Variants in CUX1 observed in about 807,000 individuals in gnomAD.
CUX1 encodes the protein cut like homeobox 1.
A neutral mutation model predicts 158.8 loss-of-function variants in CUX1; 31 were observed. The observed-to-expected ratio is 0.20, with a 90% CI of 0.15 to 0.26. The LOEUF is 0.26. Ranked by LOEUF, CUX1 falls within the 10% of genes least tolerant of loss-of-function variation. The pLI is 1.00. For missense variants in CUX1, 1,589 were observed against 2,014.6 expected, an observed-to-expected ratio of 0.79 and a Z score of 4.04; for synonymous variants, 879 against 862.1, an observed-to-expected ratio of 1.02 and a Z score of -0.34.
chr7:101,943,942 G>T (rs1246360008), intron 2 of CUX1, among the ~76,000 whole-genome samples: 1 of 143,542 alleles, frequency 7.0e-6, no homozygotes, highest in Admixed American at 7.1e-5. Flanking sequence ...AACATAGCGA[G>T]ACCGCGTCTC....
chr7:102,262,725 C>A (rs1342260148), downstream of CUX1, among the ~76,000 whole-genome samples: 2 of 152,042 alleles, frequency 1.3e-5, no homozygotes, highest in Non-Finnish European at 2.9e-5. Flanking sequence ...CCAGCTGTGC[C>A]CCAGCCTGGG....
Position 102,253,785 on chromosome 7 carries a change from G to A in CUX1, c.*4743G>A, listed in dbSNP as rs923094814. The A allele has an allele frequency of 1.0e-4, 102 of 985,550 alleles. No individual in the cohort carries two copies. The highest frequency in any genetic ancestry group is 2.5e-4 in the Admixed American group (4 of 16,292). The allele number at this position is 985,550 out of a possible 1,614,324, so 61.1% of individuals were successfully genotyped here. On this transcript the variant is annotated 3_prime_UTR_variant, in exon 24 of 24. Transcript: ENST00000292535. ...ACAAGCCAGCTGTACAGGGCGAGAT[G>A]TAGCAACACGGGGCATGAGCGGTGG...
intron 4 of CUX1, among the ~76,000 whole-genome samples, chr7:102,095,700 T>C (rs985420204): frequency 2.0e-5 from 3 of 152,194 alleles, no homozygotes; most frequent in African/African-American, 7.2e-5. Flanking sequence ...TATATACTCT[T>C]GTTGATCCGC....
Position 102,248,014 on chromosome 7 carries a change from C to A in CUX1, c.3888-398C>A, listed in dbSNP as rs184089295. Among the ~76,000 whole-genome samples the A allele has an allele frequency of 5.9e-5, 9 of 152,174 alleles. No homozygotes were observed. The highest frequency in any genetic ancestry group is 1.0e-4 in the Non-Finnish European group (7 of 68,004). Reference sequence around the variant, plus strand: ...GATGTGGTAGTGGGTGACTGTAATCCCAGGTACTCTGGAGGCTGAGGCAGG... The same window carrying A: ...GATGTGGTAGTGGGTGACTGTAATCACAGGTACTCTGGAGGCTGAGGCAGG... On this transcript the variant is annotated intron_variant, in intron 23 of 23. Transcript: ENST00000292535. This position sits in a 1 kb window ranked among gnomAD's most constrained non-coding sequence, Gnocchi z 5.8.
intron 3 of CUX1, among the ~76,000 whole-genome samples, chr7:102,029,289 G>A (rs759493168): frequency 1.6e-4 from 24 of 152,136 alleles, no homozygotes; most frequent in Non-Finnish European, 2.5e-4. Context: ...CACTGTGCCT[G>A]GCAGGGATTT....
intron 2 of CUX1, among the ~76,000 whole-genome samples, chr7:101,981,429 G>A (rs932586564): frequency 6.6e-6 from 1 of 152,192 alleles, no homozygotes; most frequent in Non-Finnish European, 1.5e-5. Flanking sequence ...AGGGCACTCA[G>A]TGTGGCCTGG....
At chr7:101,986,936 G>A (rs535539095) in intron 2 of CUX1, among the ~76,000 whole-genome samples, 148 of 152,232 alleles carry the variant, frequency 9.7e-4, no homozygotes, top group Non-Finnish European at 1.8e-3. Context: ...CCTGGAAGCC[G>A]TGGGGATGTG....
chr7:102,067,951 G>A (rs1206060532), intron 3 of CUX1, among the ~76,000 whole-genome samples: 1 of 151,894 alleles, frequency 6.6e-6, no homozygotes, highest in Non-Finnish European at 1.5e-5. Flanking sequence ...AACCCGGGAG[G>A]TGGAGGCTGC....
chr7:102,269,677 G>T (rs1554545838), intron 14 of CUX1, among the ~76,000 whole-genome samples: 1 of 151,248 alleles, frequency 6.6e-6, no homozygotes, highest in Non-Finnish European at 1.5e-5. Context: ...GCCCGCCTCG[G>T]CCTCTCAAAG....
At chr7:101,969,389 C>T (rs1044088713) in intron 2 of CUX1, among the ~76,000 whole-genome samples, 1 of 139,732 alleles carries the variant, frequency 7.2e-6, no homozygotes, top group Non-Finnish European at 1.5e-5. Context: ...AAAAAGCAGG[C>T]ACCCAGATTT....
chr7:101,979,501 C>A (rs535599408), intron 2 of CUX1, among the ~76,000 whole-genome samples: 1 of 152,272 alleles, frequency 6.6e-6, no homozygotes, highest in East Asian at 1.9e-4. Flanking sequence ...GTTGATTTAT[C>A]TTTTATCACT....
intron 8 of CUX1, 91 bp from the exon 9 acceptor site, chr7:102,158,469 C>T: frequency 7.5e-7 from 1 of 1,337,160 alleles, no homozygotes; most frequent in Non-Finnish European, 1.1e-6. Context: ...CACAGCCCTT[C>T]CCGAGCCCTG....
exon 17 of CUX1, chr7:102,275,281 G>C (rs371715592): frequency 3.7e-6 from 6 of 1,611,556 alleles, no homozygotes; most frequent in Non-Finnish European, 4.2e-6. Context: ...CCCTCCCAGA[G>C]GGCCAGGTGG....
chr7:102,197,781 C>T (rs984282592), intron 15 of CUX1, among the ~76,000 whole-genome samples: 13 of 152,080 alleles, frequency 8.5e-5, no homozygotes, highest in Non-Finnish European at 1.3e-4. Flanking sequence ...CTTCCCACCC[C>T]GCAGAAGAGG....
chr7:101,849,715 C>T (rs193271599), intron 1 of CUX1, among the ~76,000 whole-genome samples: 5 of 152,174 alleles, frequency 3.3e-5, no homozygotes, highest in Admixed American at 2.6e-4. Flanking sequence ...ATTGCTGGAT[C>T]GAATGGTATT....
At chr7:102,010,119 G>A (rs1817823152) in intron 2 of CUX1, among the ~76,000 whole-genome samples, 1 of 152,144 alleles carries the variant, frequency 6.6e-6, no homozygotes, top group Admixed American at 6.6e-5. Flanking sequence ...GTGCAGCTGG[G>A]TGCGGTGGCT....
intron 5 of CUX1, among the ~76,000 whole-genome samples, chr7:102,099,781 G>A (rs1235382588): frequency 6.6e-6 from 1 of 151,978 alleles, no homozygotes; most frequent in Non-Finnish European, 1.5e-5. Context: ...GTTGGAGGGT[G>A]GTGCAGGTGG....
intron 3 of CUX1, among the ~76,000 whole-genome samples, chr7:102,038,396 A>C (rs1821693241): frequency 6.6e-6 from 1 of 152,222 alleles, no homozygotes; most frequent in East Asian, 1.9e-4. Context: ...TAAGGAAATG[A>C]GTACAAGTCA....
intron 2 of CUX1, among the ~76,000 whole-genome samples, chr7:101,978,782 A>G (rs780647560): frequency 3.9e-5 from 6 of 152,132 alleles, no homozygotes; most frequent in Non-Finnish European, 4.4e-5. Context: ...GCTCACCCGG[A>G]ATTCCAGCTA....
Sources: gnomAD v4.1 joint callset for allele counts (sites outside exome capture counted in the v4.1 genomes callset) on GRCh38, gnomAD v4.1.1 for gene constraint, Gnocchi (gnomAD v3.1) non-coding constraint, MANE v1.5 for transcripts, NCBI Gene and HGNC (gene_info 2026-07-23, HGNC 2026-07-21) for gene names.